The following PRKCA variants were observed in gnomAD, a reference collection of about 807,000 sequenced individuals.
PRKCA encodes protein kinase C alpha, also known as protein kinase C alpha type.
PRKCA carries 27 observed loss-of-function variants against 87.0 expected under a neutral mutation model. That is an observed-to-expected ratio of 0.31 (90% CI 0.23 to 0.43). The LOEUF (loss-of-function observed/expected upper bound fraction) is 0.43. PRKCA is among the 20% of genes least tolerant of loss of function. The probability of loss-of-function intolerance (pLI) is 1.00; values close to 1 mark genes in which losing one functional copy is unlikely to be tolerated. For synonymous variants in PRKCA, 329 were observed against 311.1 expected (o/e 1.06, Z -0.61); for missense variants, 518 against 852.3 (o/e 0.61, Z 4.88).
intron 3 of PRKCA, among the ~76,000 whole-genome samples, chr17:66,574,417 C>T (rs1567907606): frequency 6.6e-6 from 1 of 152,150 alleles, no homozygotes; most frequent in East Asian, 1.9e-4. Flanking sequence ...TAATCCCTGT[C>T]TCAGAGTGTT....
intron 3 of PRKCA, among the ~76,000 whole-genome samples, chr17:66,628,176 G>A (rs1037771688): frequency 2.0e-5 from 3 of 152,006 alleles, no homozygotes; most frequent in South Asian, 4.2e-4. Flanking sequence ...TCTGCCTCTC[G>A]GTGGATAGCT....
intron 3 of PRKCA, among the ~76,000 whole-genome samples, chr17:66,512,890 A>G (rs1459628624): frequency 6.6e-6 from 1 of 151,994 alleles, no homozygotes; most frequent in East Asian, 1.9e-4. Flanking sequence ...ACAGGGTTTC[A>G]CCATGTTGGC....
intron 3 of PRKCA, among the ~76,000 whole-genome samples, chr17:66,584,636 G>T (rs564989338): frequency 1.3e-5 from 2 of 152,270 alleles, no homozygotes; most frequent in African/African-American, 4.8e-5. Context: ...CTCAGGGGAA[G>T]ATCCTTCCTG....
chr17:66,582,530 C>T (rs1452399757), intron 3 of PRKCA, among the ~76,000 whole-genome samples: 4 of 152,170 alleles, frequency 2.6e-5, no homozygotes, highest in Non-Finnish European at 5.9e-5. Flanking sequence ...GCTCTCTTGC[C>T]TGCCGCCATG....
intron 5 of PRKCA, among the ~76,000 whole-genome samples, chr17:66,667,108 C>T (rs767967710): frequency 7.9e-5 from 12 of 152,170 alleles, no homozygotes; most frequent in Non-Finnish European, 1.2e-4. Context: ...CAGAGCAAGC[C>T]GAAGGTCCCT....
In PRKCA at chr17:66,595,708, G is replaced by A. The variant is rs184258174; in HGVS notation, c.289-45647G>A. Among the ~76,000 whole-genome samples, 1,017 of 152,010 alleles carry A rather than the reference G, an allele frequency of 6.7e-3. 39 individuals are homozygous for A. The highest frequency in any genetic ancestry group is 0.059 in the Admixed American group (893 of 15,256). ...AATCTCCTGACCTCGTGATCCGCCC[G>A]CCTCGGCCTCCTGGATTATAGGCGT... On this transcript the variant is annotated intron_variant, in intron 3 of 16. Coordinates refer to ENST00000413366, the MANE Select transcript of PRKCA (RefSeq NM_002737.3).
intron 14 of PRKCA, chr17:66,777,665 A>G: frequency 2.0e-6 from 2 of 985,242 alleles, no homozygotes; most frequent in Non-Finnish European, 2.4e-6. Context: ...CCCCCTCTTG[A>G]TCCCACTTGA....
At chr17:66,700,027 A>G (rs955793721) in intron 8 of PRKCA, among the ~76,000 whole-genome samples, 2 of 152,278 alleles carry the variant, frequency 1.3e-5, no homozygotes, top group Non-Finnish European at 2.9e-5. Flanking sequence ...AAAGGCCAAT[A>G]TATCCAATGA....
intron 3 of PRKCA, among the ~76,000 whole-genome samples, chr17:66,632,618 G>A (rs560050194): frequency 4.4e-4 from 67 of 152,034 alleles, no homozygotes; most frequent in African/African-American, 1.5e-3. Context: ...GAGCTCAAAC[G>A]ATCCTCCCAA....
chr17:66,375,573 A>G (rs117484914), intron 2 of PRKCA, among the ~76,000 whole-genome samples: 1 of 152,114 alleles, frequency 6.6e-6, no homozygotes, highest in Non-Finnish European at 1.5e-5. Context: ...TCATATTCCA[A>G]ATGTTCTGTG....
chr17:66,592,424 A>G (rs556384657), intron 3 of PRKCA, among the ~76,000 whole-genome samples: 42 of 152,008 alleles, frequency 2.8e-4, no homozygotes, highest in African/African-American at 1.0e-3. Flanking sequence ...CACCCTCCTC[A>G]AAAAATAGAA....
At chr17:66,337,544 C>G (rs1484547486) in intron 2 of PRKCA, among the ~76,000 whole-genome samples, 2 of 151,680 alleles carry the variant, frequency 1.3e-5, no homozygotes, top group Non-Finnish European at 2.9e-5. Flanking sequence ...TGGTTGCCAC[C>G]ATGGCCAGCT....
intron 5 of PRKCA, among the ~76,000 whole-genome samples, chr17:66,674,473 T>C (rs1972272624): frequency 6.6e-6 from 1 of 152,180 alleles, no homozygotes; most frequent in Non-Finnish European, 1.5e-5. Context: ...TCTTTTGGGT[T>C]ATATAAATAC....
At position 66,660,919 on chromosome 17, in the gene PRKCA, T is replaced by TA. The variant is rs1391981377; in HGVS notation, c.529+15410dup. Among the ~76,000 whole-genome samples, 247 of 142,850 alleles carry TA rather than the reference T, an allele frequency of 1.7e-3. 3 individuals are homozygous for TA. Among genetic ancestry groups the TA allele is most frequent in the Middle Eastern group, 3.8e-3 (1 of 264 alleles). The allele number at this position is 142,850 out of a possible 152,430, so 93.7% of individuals were successfully genotyped here. A position where few individuals can be genotyped will look rare whatever the true frequency, so the allele number is the denominator to read the frequency against. On this transcript the variant is annotated intron_variant, in intron 5 of 16. Coordinates refer to ENST00000413366, the MANE Select transcript of PRKCA (RefSeq NM_002737.3). The stretch of plus-strand genomic sequence containing the variant: ...GCAAGACGCTGTCTTAAAAATAAAT[T>TA]AATTAATTAATTAATTAAAGGATAA...
intron 2 of PRKCA, among the ~76,000 whole-genome samples, chr17:66,485,316 G>C (rs536369331): frequency 2.6e-5 from 4 of 152,276 alleles, no homozygotes; most frequent in African/African-American, 7.2e-5. Context: ...GAAATAAAAA[G>C]ATCCTGAAAG....
chr17:66,698,850 G>A (rs140241027), intron 8 of PRKCA, among the ~76,000 whole-genome samples: 9 of 150,904 alleles, frequency 6.0e-5, no homozygotes, highest in African/African-American at 1.9e-4. Context: ...GTGTAGTGGT[G>A]CATGCCTGTA....
chr17:66,641,491 C>T (rs747189014), intron 4 of PRKCA, 25 bp downstream of exon 4: 7 of 1,547,194 alleles, frequency 4.5e-6, no homozygotes, highest in Non-Finnish European at 6.2e-6. Flanking sequence ...TTTTCCAGTT[C>T]ATAGCGAGGC....
chr17:66,496,256 G>A lies in PRKCA; in HGVS notation c.261G>A (p.Pro87=), dbSNP rs145160680. 10 of 1,613,974 alleles carry A rather than the reference G, an allele frequency of 6.2e-6. No individual in the cohort carries two copies. The East Asian group carries it at 8.9e-5, about 14-fold the overall frequency. Residue 87 remains proline (P), a synonymous_variant, in exon 3 of 17, where the codon CCG becomes CCA. Transcript: ENST00000413366. ...RCHEFVTFSC[P]GADKGPDTDD... The stretch of plus-strand genomic sequence containing the variant: ...ATGAATTTGTTACTTTTTCTTGTCC[G>A]GGTGCGGATAAGGGACCCGACACTG...
intron 2 of PRKCA, among the ~76,000 whole-genome samples, chr17:66,490,601 A>T (rs941773027): frequency 6.6e-6 from 1 of 151,596 alleles, no homozygotes; most frequent in Non-Finnish European, 1.5e-5. Context: ...TTTGAGACGG[A>T]GTCTTGCTCT....
Sources: gnomAD v4.1 joint callset for allele counts (sites outside exome capture counted in the v4.1 genomes callset) on GRCh38, gnomAD v4.1.1 for gene constraint, MANE v1.5 for transcripts, NCBI Gene and HGNC (gene_info 2026-07-23, HGNC 2026-07-21) for gene names.